Variants in DLGAP1 observed in about 807,000 individuals in gnomAD.
The protein encoded by DLGAP1 is disks large-associated protein 1.
A neutral mutation model predicts 90.8 loss-of-function variants in DLGAP1; 11 were observed. The observed-to-expected ratio is 0.12, with a 90% confidence interval of 0.08 to 0.20. The LOEUF is 0.20. Ranked by LOEUF, DLGAP1 falls within the 10% of genes least tolerant of loss-of-function variation. The probability of loss-of-function intolerance (pLI) is 1.00; values close to 1 mark genes in which losing one functional copy is unlikely to be tolerated. For missense variants in DLGAP1, 1,050 were observed against 1,333.8 expected, an observed-to-expected ratio of 0.79 and a Z score of 3.31; for synonymous variants, 558 against 540.7, an observed-to-expected ratio of 1.03 and a Z score of -0.44.
intron 7 of DLGAP1, among the ~76,000 whole-genome samples, chr18:3,588,336 C>T (rs191867213): frequency 2.0e-5 from 3 of 152,146 alleles, no homozygotes; most frequent in Admixed American, 2.0e-4. Context: ...GCACATGCAT[C>T]TAACCCCAGC....
chr18:4,380,629 A>G (rs2082095777), intron 1 of DLGAP1, among the ~76,000 whole-genome samples: 1 of 152,192 alleles, frequency 6.6e-6, no homozygotes, highest in Admixed American at 6.6e-5. Flanking sequence ...GCAGATATTC[A>G]CCATAAACTC....
chr18:3,666,451 GC>G (rs2059887132), intron 7 of DLGAP1, among the ~76,000 whole-genome samples: 1 of 152,134 alleles, frequency 6.6e-6, no homozygotes. Flanking sequence ...AAACTGCATT[GC>G]CCCCTGGCGT....
intron 1 of DLGAP1, among the ~76,000 whole-genome samples, chr18:4,182,614 G>A (rs1230305194): frequency 3.3e-5 from 5 of 151,988 alleles, no homozygotes; most frequent in East Asian, 1.9e-4. Context: ...TCTTCCATGC[G>A]TGTATTAAAT....
intron 1 of DLGAP1, among the ~76,000 whole-genome samples, chr18:4,332,730 T>A (rs1041415924): frequency 2.6e-5 from 4 of 151,956 alleles, no homozygotes; most frequent in African/African-American, 9.7e-5. Flanking sequence ...TACCAAATGG[T>A]GCCATACTTC....
At position 4,309,302 on chromosome 18, in the gene DLGAP1, T is replaced by C. The variant is rs548981920; in HGVS notation, c.-267+145704A>G. ...GAAATGGAAAGAGCGCACATAGCAATAGCACTAAATATATGGCGGAAGATA... is the reference window on the plus strand; with the variant it reads ...GAAATGGAAAGAGCGCACATAGCAACAGCACTAAATATATGGCGGAAGATA... On this transcript the variant is annotated intron_variant, in intron 1 of 12. Coordinates refer to ENST00000315677, the MANE Select transcript of DLGAP1 (RefSeq NM_004746.4). Among the ~76,000 whole-genome samples the C allele has an allele frequency of 1.4e-3, 206 of 152,300 alleles. 1 individual carries two copies. Among genetic ancestry groups the C allele is most frequent in the Non-Finnish European group, 2.4e-3 (161 of 68,008 alleles).
chr18:3,986,253 C>T (rs1166147004), intron 3 of DLGAP1: 1 of 152,118 alleles, frequency 6.6e-6, no homozygotes, highest in Non-Finnish European at 1.5e-5. Context: ...TAAGTGTAAG[C>T]AAATGACAAG....
rs550614967 is a variant in DLGAP1, at chr18:4,173,623, G to A, written c.-266-22336C>T. 1.8e-3 allele frequency among the ~76,000 whole-genome samples: 279 copies of A among 152,210 alleles called. 1 individual carries two copies. The highest frequency in any genetic ancestry group is 5.6e-3 in the African/African-American group (234 of 41,526). On this transcript the variant is annotated intron_variant, in intron 1 of 12. Coordinates refer to ENST00000315677, the MANE Select transcript of DLGAP1 (RefSeq NM_004746.4). ...AATTCAAGGTTTTGGACTTCACATG[G>A]GAAGCATGACACTGCAGCCTAGCCC...
chr18:4,337,588 T>C (rs1226590554), intron 1 of DLGAP1, among the ~76,000 whole-genome samples: 1 of 152,144 alleles, frequency 6.6e-6, no homozygotes, highest in Non-Finnish European at 1.5e-5. Flanking sequence ...ATATTTTAGC[T>C]CTAGTATTCT....
chr18:4,073,193 C>G (rs1210066435), intron 2 of DLGAP1, among the ~76,000 whole-genome samples: 1 of 152,166 alleles, frequency 6.6e-6, no homozygotes, highest in Non-Finnish European at 1.5e-5. Context: ...GGCTTCCTCC[C>G]TTACATCTGT....
At position 4,060,157 on chromosome 18, in the gene DLGAP1, C is replaced by T. The variant is rs573843953; in HGVS notation, c.-158-54956G>A. On this transcript the variant is annotated intron_variant, in intron 2 of 12. Coordinates refer to ENST00000315677, the MANE Select transcript of DLGAP1 (RefSeq NM_004746.4). Reference sequence around the variant, plus strand: ...AAGATGAAGGGTCTCTCTGCTCTAGCTGGCTTCCAAATCAGACATTGTCAT... The same window carrying T: ...AAGATGAAGGGTCTCTCTGCTCTAGTTGGCTTCCAAATCAGACATTGTCAT... 6.6e-5 allele frequency among the ~76,000 whole-genome samples: 10 copies of T among 152,340 alleles called. No homozygotes were observed. In the South Asian group the frequency reaches 2.1e-3, roughly 32 times the overall value.
chr18:3,641,405 C>T (rs1268470777), intron 7 of DLGAP1, among the ~76,000 whole-genome samples: 4 of 150,386 alleles, frequency 2.7e-5, no homozygotes, highest in Non-Finnish European at 5.9e-5. Context: ...GGTGTGGTGG[C>T]GGGCACCTGT....
chr18:3,626,973 A>C (rs1481684224), intron 7 of DLGAP1, among the ~76,000 whole-genome samples: 5 of 152,228 alleles, frequency 3.3e-5, no homozygotes, highest in Non-Finnish European at 7.3e-5. Context: ...CACACACACA[A>C]AAAACGCTGA....
intron 1 of DLGAP1, among the ~76,000 whole-genome samples, chr18:4,359,632 C>T (rs1567859996): frequency 6.6e-6 from 1 of 152,088 alleles, no homozygotes; most frequent in East Asian, 1.9e-4. Flanking sequence ...AGCCATGGAC[C>T]TAGCAATTGG....
At position 3,591,691 on chromosome 18, in the gene DLGAP1, C is replaced by T. The variant is rs370151566; in HGVS notation, c.1592-9443G>A. 2.2e-4 allele frequency among the ~76,000 whole-genome samples: 34 copies of T among 151,604 alleles called. 1 individual carries two copies. The East Asian group carries it at 4.3e-3, about 19-fold the overall frequency. On this transcript the variant is annotated intron_variant, in intron 7 of 12. Coordinates refer to ENST00000315677, the MANE Select transcript of DLGAP1 (RefSeq NM_004746.4). The stretch of plus-strand genomic sequence containing the variant: ...CCAGCCTGGCGACAGAGCAAGACTA[C>T]GTCAAAAATAAAAAACAAAAAATAA...
chr18:3,532,447 C>T (rs1488355603), intron 10 of DLGAP1, among the ~76,000 whole-genome samples: 1 of 151,850 alleles, frequency 6.6e-6, no homozygotes. Context: ...GGTGTGGTGG[C>T]ACATGCCTGT....
intron 1 of DLGAP1, among the ~76,000 whole-genome samples, chr18:4,217,414 T>A (rs1336658120): frequency 2.0e-5 from 3 of 152,132 alleles, no homozygotes; most frequent in Admixed American, 2.0e-4. Context: ...TGATTGCTAG[T>A]ACATGTGGTT....
intron 6 of DLGAP1, among the ~76,000 whole-genome samples, chr18:3,737,857 T>C (rs1433304531): frequency 6.7e-6 from 1 of 150,000 alleles, no homozygotes; most frequent in East Asian, 2.0e-4. Flanking sequence ...GACGACATGA[T>C]TGTATATCTA....
intron 2 of DLGAP1, among the ~76,000 whole-genome samples, chr18:4,107,419 T>A (rs1286473417): frequency 6.6e-6 from 1 of 152,198 alleles, no homozygotes; most frequent in African/African-American, 2.4e-5. Flanking sequence ...TCTAGCTACG[T>A]CTGGCTCCCC....
At chr18:3,620,711 C>T (rs929064828) in intron 7 of DLGAP1, among the ~76,000 whole-genome samples, 6 of 152,188 alleles carry the variant, frequency 3.9e-5, no homozygotes, top group Admixed American at 1.3e-4. Context: ...GTGCCCACTA[C>T]CACGCCCGGC....
Sources: gnomAD v4.1 joint callset for allele counts (sites outside exome capture counted in the v4.1 genomes callset) on GRCh38, gnomAD v4.1.1 for gene constraint, MANE v1.5 for transcripts, NCBI Gene and HGNC (gene_info 2026-07-23, HGNC 2026-07-21) for gene names.